Variants in MYH7B observed in about 807,000 individuals in gnomAD.
The protein encoded by MYH7B is myosin-7B.
Under a neutral mutation model 234.5 loss-of-function variants are expected in MYH7B, and 205 were observed. That is an observed-to-expected ratio of 0.87 (90% CI 0.78 to 0.98). The LOEUF is 0.98. Among genes scored for constraint, MYH7B ranks in the 50% least tolerant of loss-of-function variants. The probability of loss-of-function intolerance (pLI) is 0.00; values close to 1 mark genes in which losing one functional copy is unlikely to be tolerated. For synonymous variants in MYH7B, 1,193 were observed against 1,105.0 expected, an observed-to-expected ratio of 1.08 and a Z score of -1.58; for missense variants, 2,652 against 2,633.4, an observed-to-expected ratio of 1.01 and a Z score of -0.15.
chr20:34,997,102 C>T lies in MYH7B; in HGVS notation c.3286C>T (p.Gln1096Ter). The T allele has an allele frequency of 1.9e-6, 3 of 1,548,438 alleles. No individual in the cohort carries two copies. Among genetic ancestry groups the T allele is most frequent in the South Asian group, 1.2e-5 (1 of 83,938 alleles). Residue 1096 changes from glutamine (Q) to a stop codon, truncating the protein, a stop_gained, in exon 31 of 45, where the codon CAG becomes TAG. Coordinates refer to ENST00000262873, the Ensembl canonical transcript of MYH7B. LOFTEE classifies it high-confidence loss of function. ...TCCCAGGAAGGACTCCGAGCTGAGCCAGCTGAGCCTGCGGGTGGAAGACGA... is the reference window on the plus strand; with the variant it reads ...TCCCAGGAAGGACTCCGAGCTGAGCTAGCTGAGCCTGCGGGTGGAAGACGA...
Position 35,001,114 on chromosome 20 carries a change from GC to G in MYH7B, c.5434del (p.Leu1812SerfsTer149). 1 of 1,613,838 alleles carries G rather than the reference GC, an allele frequency of 6.2e-7. No individual in the cohort carries two copies. Among genetic ancestry groups the G allele is most frequent in the Non-Finnish European group, 8.5e-7 (1 of 1,179,968 alleles). On this transcript the variant is annotated frameshift_variant, in exon 41 of 45. Coordinates refer to ENST00000262873, the Ensembl canonical transcript of MYH7B. LOFTEE classifies it high-confidence loss of function. ...CCGCCTTGAGGAGGCAGAACAGGCCGCCCTCCGTGGCGGGAAGAAGCAGGTG... is the reference window on the plus strand; with the variant it reads ...CCGCCTTGAGGAGGCAGAACAGGCCGCCTCCGTGGCGGGAAGAAGCAGGTG...
chr20:34,989,983 C>A, intron 20 of MYH7B, 31 bp from the exon 21 acceptor site: 1 of 1,613,508 alleles, frequency 6.2e-7, no homozygotes, highest in South Asian at 1.1e-5. Flanking sequence ...AGGTCTCCCA[C>A]CCGGGCTCAG....
exon 19 of MYH7B, chr20:34,988,131 G>A: frequency 1.2e-6 from 2 of 1,614,170 alleles, no homozygotes; most frequent in Non-Finnish European, 1.7e-6. Flanking sequence ...CTTCACCAAT[G>A]AGAAATTGCA....
rs1315203207 is a variant in MYH7B at position 34,998,499 on chromosome 20, CTT to C, written c.3875-10_3875-9del. On this transcript the variant is annotated splice_polypyrimidine_tract_variant and intron_variant, in intron 33 of 44. Coordinates refer to ENST00000262873, the Ensembl canonical transcript of MYH7B. ...ACCAGCCTGACCTGTCCGCTCGCCT[CTT>C]TGCCTGCAGGGGAGCTGAGTCGCCT... 5.6e-6 allele frequency: 9 copies of C among 1,613,302 alleles called. No homozygotes were observed. Among genetic ancestry groups the C allele is most frequent in the South Asian group, 2.2e-5 (2 of 91,070 alleles).
At chr20:34,996,488 A>T in exon 29 of MYH7B, 1 of 1,612,270 alleles carries the variant, frequency 6.2e-7, no homozygotes, top group Non-Finnish European at 8.5e-7. Flanking sequence ...GCGCTGACCA[A>T]GGCCAAGCTC....
intron 30 of MYH7B, 112 bp from the exon 31 acceptor site, chr20:34,996,971 T>A: frequency 9.3e-7 from 1 of 1,073,642 alleles, no homozygotes; most frequent in Non-Finnish European, 1.2e-6. Context: ...GTGCAGCAGG[T>A]GCATGGGGTG....
intron 3 of MYH7B, 83 bp from the exon 4 acceptor site, chr20:34,977,549 G>A: frequency 1.5e-6 from 2 of 1,328,154 alleles, no homozygotes; most frequent in Non-Finnish European, 1.1e-6. Flanking sequence ...AAGGGAATTT[G>A]CCTTTTGTGT....
At position 34,999,646 on chromosome 20, in the gene MYH7B, C is replaced by T. The variant is rs6060147; in HGVS notation, c.4616C>T (p.Ala1539Val). Reference sequence around the variant, plus strand: ...CAGGAACTGGAGAAAACCAAGAAGGCGCTGGAAGGCGAGAAGAGTGAGATC... The same window carrying T: ...CAGGAACTGGAGAAAACCAAGAAGGTGCTGGAAGGCGAGAAGAGTGAGATC... The change falls in exon 37 of 45, where the codon GCG (alanine) becomes GTG (valine). Residue 1539 changes from alanine to valine, a missense_variant. Physicochemically the swap from Ala to Val is moderately conservative, Grantham distance 64. Coordinates refer to ENST00000262873, the Ensembl canonical transcript of MYH7B. 119 of 1,613,516 alleles carry T rather than the reference C, an allele frequency of 7.4e-5. No individual in the cohort carries two copies. In the African/African-American group the frequency reaches 1.2e-3, roughly 16 times the overall value.
At chr20:35,002,323 A>C in exon 45 of MYH7B, 1 of 974,332 alleles carries the variant, frequency 1.0e-6, no homozygotes, top group Non-Finnish European at 1.4e-6. Flanking sequence ...TAAACACCAC[A>C]GCCAGTTTCC....
At chr20:34,969,969 T>C (rs1281744580) in intron 2 of MYH7B, among the ~76,000 whole-genome samples, 2 of 152,160 alleles carry the variant, frequency 1.3e-5, no homozygotes, top group Non-Finnish European at 2.9e-5. Flanking sequence ...ATAATGCTCA[T>C]CACAGCACTA....
intron 1 of MYH7B, among the ~76,000 whole-genome samples, chr20:34,957,413 A>C (rs1323349893): frequency 3.3e-5 from 5 of 151,996 alleles, no homozygotes; most frequent in African/African-American, 1.2e-4. Context: ...CAGATCAAAG[A>C]AATTTAGGAG....
At chr20:34,993,277 G>A (rs2082190585) in intron 25 of MYH7B, 52 bp downstream of exon 25, 1 of 1,613,842 alleles carries the variant, frequency 6.2e-7, no homozygotes, top group Non-Finnish European at 8.5e-7. Flanking sequence ...GTCACACTGG[G>A]CAGGGTTCAT....
intron 26 of MYH7B, 142 bp downstream of exon 26, chr20:34,993,612 C>T: frequency 1.0e-6 from 1 of 960,534 alleles, no homozygotes; most frequent in Non-Finnish European, 1.5e-6. Flanking sequence ...TGTTCTGTGT[C>T]CCCCAGCCTC....
chr20:34,996,862 G>C (rs2082269352), intron 30 of MYH7B, 104 bp downstream of exon 30: 1 of 1,490,322 alleles, frequency 6.7e-7, no homozygotes, highest in Non-Finnish European at 9.0e-7. Context: ...GGTTAAGGGT[G>C]GGGGTTGACA....
intron 23 of MYH7B, 72 bp from the exon 24 acceptor site, chr20:34,990,932 C>T: frequency 1.3e-6 from 2 of 1,557,528 alleles, no homozygotes; most frequent in Non-Finnish European, 8.8e-7. Flanking sequence ...CGCAGGGTCT[C>T]CACTGCTGCT....
intron 2 of MYH7B, among the ~76,000 whole-genome samples, chr20:34,964,406 C>T (rs2081724605): frequency 6.6e-6 from 1 of 152,202 alleles, no homozygotes; most frequent in African/African-American, 2.4e-5. Context: ...TGGAGGATGG[C>T]AGGGCTCTGG....
intron 10 of MYH7B, among the ~76,000 whole-genome samples, chr20:34,982,883 A>G (rs1483068925): frequency 6.6e-6 from 1 of 151,986 alleles, no homozygotes; most frequent in East Asian, 1.9e-4. Flanking sequence ...TGCTTTTACT[A>G]AGCGTTGTTG....
intron 1 of MYH7B, among the ~76,000 whole-genome samples, chr20:34,957,870 C>A (rs150702675): frequency 1.3e-3 from 205 of 152,286 alleles, no homozygotes; most frequent in Non-Finnish European, 2.2e-3. Flanking sequence ...TGTGTGGTCA[C>A]GGGATGGGGG....
At chr20:34,987,791 C>T in exon 18 of MYH7B, 1 of 1,614,188 alleles carries the variant, frequency 6.2e-7, no homozygotes, top group East Asian at 2.2e-5. Context: ...GGGCTCTGGC[C>T]AAGGCCACCT....
Sources: allele counts gnomAD v4.1 joint callset (sites outside exome capture counted in the v4.1 genomes callset), GRCh38; gene constraint gnomAD v4.1.1; transcripts MANE v1.5; gene names NCBI Gene and HGNC (gene_info 2026-07-23, HGNC 2026-07-21).